The following PTPRD variants were observed in gnomAD, a reference collection of about 807,000 sequenced individuals.
The protein encoded by PTPRD is protein tyrosine phosphatase receptor type D.
In PTPRD, 34 loss-of-function variants were observed where a neutral mutation model predicts 214.5. The ratio of observed to expected loss-of-function variants is 0.16; its 90% CI spans 0.12 to 0.21. The LOEUF is 0.21. Among genes scored for constraint, PTPRD ranks in the 10% least tolerant of loss-of-function variants. The probability of loss-of-function intolerance (pLI) is 1.00; values close to 1 mark genes in which losing one functional copy is unlikely to be tolerated. For synonymous variants in PTPRD, 1,128 were observed against 845.7 expected (o/e 1.33, Z -5.79); for missense variants, 2,545 against 2,398.7 (o/e 1.06, Z -1.27).
intron 3 of PTPRD, among the ~76,000 whole-genome samples, chr9:10,166,434 G>C (rs909544865): frequency 3.3e-5 from 5 of 151,720 alleles, no homozygotes; most frequent in African/African-American, 1.2e-4. Flanking sequence ...AGAAGCTTTG[G>C]TGTCTGTCTA....
intron 9 of PTPRD, among the ~76,000 whole-genome samples, chr9:9,291,891 T>C (rs986247291): frequency 6.9e-6 from 1 of 145,910 alleles, no homozygotes. Flanking sequence ...GTGTATGGTA[T>C]ATATATATAT....
At chr9:8,661,644 T>C (rs1177275053) in intron 12 of PTPRD, among the ~76,000 whole-genome samples, 1 of 152,064 alleles carries the variant, frequency 6.6e-6, no homozygotes, top group Admixed American at 6.6e-5. Context: ...AAAATTGCAA[T>C]ACCATCAGCA....
intron 10 of PTPRD, among the ~76,000 whole-genome samples, chr9:9,032,220 C>G (rs1043771216): frequency 6.6e-6 from 1 of 151,856 alleles, no homozygotes; most frequent in Admixed American, 6.6e-5. Context: ...GCATCCATTT[C>G]CACCCAACGC....
chr9:8,783,899 C>T (rs2154495621), intron 11 of PTPRD, among the ~76,000 whole-genome samples: 1 of 152,282 alleles, frequency 6.6e-6, no homozygotes, highest in East Asian at 1.9e-4. Flanking sequence ...GCTACCCCTT[C>T]AGTGCTATAC....
At position 10,571,283 on chromosome 9, in the gene PTPRD, T is replaced by TA. The variant is rs539629270; in HGVS notation, c.-600+41114dup. Reference sequence around the variant, plus strand: ...TTTAGAAAAATTTACTTGACTTTGTTAAAGTTAATTAAAAACTGATACCAC... The same window carrying TA: ...TTTAGAAAAATTTACTTGACTTTGTTAAAAGTTAATTAAAAACTGATACCAC... On this transcript the variant is annotated intron_variant, in intron 2 of 45. Coordinates refer to ENST00000381196, the MANE Select transcript of PTPRD (RefSeq NM_002839.4). 7.3e-4 allele frequency among the ~76,000 whole-genome samples: 111 copies of TA among 152,284 alleles called. 3 individuals carry two copies. The South Asian group carries it at 0.023, about 31-fold the overall frequency.
At chr9:10,233,431 A>T (rs1242991122) in intron 3 of PTPRD, among the ~76,000 whole-genome samples, 2 of 152,010 alleles carry the variant, frequency 1.3e-5, no homozygotes, top group Non-Finnish European at 2.9e-5. Flanking sequence ...AATTTTTTTC[A>T]TAAAAAATAA....
intron 3 of PTPRD, among the ~76,000 whole-genome samples, chr9:10,166,720 C>T (rs772234927): frequency 6.6e-6 from 1 of 151,984 alleles, no homozygotes; most frequent in African/African-American, 2.4e-5. Flanking sequence ...AATAATAACA[C>T]ATTTTCAAGA....
chr9:8,555,843 G>A (rs1392098261), intron 14 of PTPRD, among the ~76,000 whole-genome samples: 1 of 152,194 alleles, frequency 6.6e-6, no homozygotes, highest in African/African-American at 2.4e-5. Context: ...CAAATAAGAA[G>A]ACTGATAAAC....
chr9:8,810,507 C>T lies in PTPRD; in HGVS notation c.-103-76561G>A, dbSNP rs968455434. On this transcript the variant is annotated intron_variant, in intron 11 of 45. Transcript: ENST00000381196. ...AGGATGTCCTAAAAAGTTCAGATCA[C>T]CTCATTTTAAGAATCAGCCACTCTT... 3.3e-5 allele frequency among the ~76,000 whole-genome samples: 5 copies of T among 152,136 alleles called. 1 individual carries two copies. The highest frequency in any genetic ancestry group is 7.2e-5 in the African/African-American group (3 of 41,426).
chr9:8,661,195 GC>G (rs774887465), intron 12 of PTPRD, among the ~76,000 whole-genome samples: 1 of 152,000 alleles, frequency 6.6e-6, no homozygotes, highest in African/African-American at 2.4e-5. Context: ...GATCTACCTG[GC>G]CTGAGGACAC....
chr9:10,002,844 A>G (rs1472549597), intron 4 of PTPRD, among the ~76,000 whole-genome samples: 1 of 151,746 alleles, frequency 6.6e-6, no homozygotes, highest in East Asian at 1.9e-4. Flanking sequence ...GAAAATCTGT[A>G]GAAGATATTT....
intron 2 of PTPRD, among the ~76,000 whole-genome samples, chr9:10,543,698 G>C (rs1029897804): frequency 5.9e-5 from 9 of 152,178 alleles, no homozygotes; most frequent in African/African-American, 2.2e-4. Context: ...CTAAGCTTTT[G>C]CAACATAACT....
chr9:9,387,597 TTTAAA>T (rs2064302506), intron 9 of PTPRD, among the ~76,000 whole-genome samples: 1 of 152,198 alleles, frequency 6.6e-6, no homozygotes, highest in Non-Finnish European at 1.5e-5. Context: ...ACATATCTTC[TTTAAA>T]TTAAGTGAGC....
chr9:10,073,517 T>A (rs1005453619), intron 3 of PTPRD, among the ~76,000 whole-genome samples: 6 of 152,082 alleles, frequency 3.9e-5, no homozygotes, highest in African/African-American at 1.2e-4. Flanking sequence ...ATTAAATAAA[T>A]CCCAGTAAGC....
At chr9:9,982,738 G>T (rs367794447) in intron 4 of PTPRD, among the ~76,000 whole-genome samples, 1 of 151,654 alleles carries the variant, frequency 6.6e-6, no homozygotes, top group African/African-American at 2.4e-5. Flanking sequence ...CAGAGCAAAA[G>T]GTCCTAAAAA....
intron 11 of PTPRD, among the ~76,000 whole-genome samples, chr9:8,903,157 T>A (rs76057511): frequency 1.5e-4 from 22 of 150,830 alleles, no homozygotes; most frequent in Non-Finnish European, 3.0e-4. Flanking sequence ...TTTTTTTTTT[T>A]AATTCAAATT....
intron 3 of PTPRD, among the ~76,000 whole-genome samples, chr9:10,158,047 T>C (rs1361861395): frequency 6.7e-6 from 1 of 150,344 alleles, no homozygotes; most frequent in Non-Finnish European, 1.5e-5. Context: ...CTCACCCTGT[T>C]GCCCAGGCTG....
intron 5 of PTPRD, among the ~76,000 whole-genome samples, chr9:9,904,511 A>G (rs2077102672): frequency 6.6e-6 from 1 of 152,106 alleles, no homozygotes; most frequent in South Asian, 2.1e-4. Context: ...GGGTAAGATC[A>G]CAAACCAAAG....
At chr9:10,151,455 G>A (rs1270321937) in intron 3 of PTPRD, among the ~76,000 whole-genome samples, 1 of 151,762 alleles carries the variant, frequency 6.6e-6, no homozygotes, top group Non-Finnish European at 1.5e-5. Context: ...TAGAGACTGG[G>A]TTTTACCATG....
Sources: allele counts gnomAD v4.1 joint callset (sites outside exome capture counted in the v4.1 genomes callset), GRCh38; gene constraint gnomAD v4.1.1; transcripts MANE v1.5; gene names NCBI Gene and HGNC (gene_info 2026-07-23, HGNC 2026-07-21).